APPBP2: variants seen among roughly 807,000 people sequenced by gnomAD.
APPBP2 encodes amyloid protein-binding protein 2.
APPBP2 carries 15 observed loss-of-function variants against 76.0 expected under a neutral mutation model. The observed-to-expected ratio is 0.20, with a 90% CI of 0.13 to 0.30. The LOEUF (loss-of-function observed/expected upper bound fraction) is 0.30, where lower values mean the gene tolerates loss of function less well. Among genes scored for constraint, APPBP2 ranks in the 10% least tolerant of loss-of-function variants. The pLI, the probability that APPBP2 is intolerant of heterozygous loss-of-function variation, is 1.00. For missense variants in APPBP2, 401 were observed against 687.2 expected, an observed-to-expected ratio of 0.58 and a Z score of 4.66; for synonymous variants, 222 against 242.2, an observed-to-expected ratio of 0.92 and a Z score of 0.77.
At chr17:60,462,560 G>C (rs2090482923) in intron 6 of APPBP2, 1 of 155,222 alleles carries the variant, frequency 6.4e-6, no homozygotes, top group Non-Finnish European at 1.4e-5. Flanking sequence ...CCTGGCTACA[G>C]GGATGTGCCA....
At chr17:60,495,278 G>C (rs968075664) in intron 2 of APPBP2, among the ~76,000 whole-genome samples, 7 of 151,698 alleles carry the variant, frequency 4.6e-5, no homozygotes, top group African/African-American at 1.7e-4. Flanking sequence ...GAGCCACCAC[G>C]CCTGGCTGAT....
intron 2 of APPBP2, among the ~76,000 whole-genome samples, chr17:60,497,107 G>A (rs540829398): frequency 6.6e-6 from 1 of 152,200 alleles, no homozygotes; most frequent in East Asian, 1.9e-4. Context: ...CACTGCTATG[G>A]CCCCAGCATC....
In APPBP2 at chr17:60,500,803, G is replaced by A. The variant is rs150772156; in HGVS notation, c.139-316C>T. 5.2e-3 allele frequency among the ~76,000 whole-genome samples: 797 copies of A among 152,134 alleles called. 8 individuals are homozygous for A. Among genetic ancestry groups the A allele is most frequent in the African/African-American group, 0.018 (739 of 41,504 alleles). ...TTAACTTTTTTACTTAAACAAAACT[G>A]GAGAGTCGGTGTAAAATTATCAAAA... is the stretch of plus-strand genomic sequence containing the variant. On this transcript the variant is annotated intron_variant, in intron 1 of 12. Transcript: ENST00000083182.
intron 3 of APPBP2, among the ~76,000 whole-genome samples, chr17:60,485,663 T>C (rs1230954021): frequency 2.0e-5 from 3 of 152,202 alleles, no homozygotes; most frequent in Non-Finnish European, 4.4e-5. Context: ...CTGGATTCAC[T>C]GATTTTTTTG....
rs183328784 is a variant in APPBP2, at chr17:60,518,904, G to C, written c.138+6890C>G. On this transcript the variant is annotated intron_variant, in intron 1 of 12. Transcript: ENST00000083182. ...TTCTTCATGCCAAGATGGCATTACAGTGTTGGCAAGGTAAGACAAGAGGTA... is the reference window on the plus strand; with the variant it reads ...TTCTTCATGCCAAGATGGCATTACACTGTTGGCAAGGTAAGACAAGAGGTA... 3.9e-4 allele frequency among the ~76,000 whole-genome samples: 60 copies of C among 152,226 alleles called. No individual in the cohort carries two copies. The East Asian group carries it at 0.011, about 28-fold the overall frequency.
chr17:60,524,570 G>T (rs920010034), intron 1 of APPBP2, among the ~76,000 whole-genome samples: 4 of 139,762 alleles, frequency 2.9e-5, no homozygotes, highest in Non-Finnish European at 6.0e-5. Flanking sequence ...GTGCAAAGCA[G>T]CTGGATTTAG....
chr17:60,505,367 G>A (rs571453461), intron 1 of APPBP2, among the ~76,000 whole-genome samples: 42 of 152,364 alleles, frequency 2.8e-4, no homozygotes, highest in African/African-American at 9.9e-4. Flanking sequence ...CTAGGTTGGA[G>A]TGCAGTGGCA....
At chr17:60,480,181 T>G (rs2090618518) in intron 3 of APPBP2, among the ~76,000 whole-genome samples, 1 of 152,184 alleles carries the variant, frequency 6.6e-6, no homozygotes, top group Non-Finnish European at 1.5e-5. Flanking sequence ...GAGACCAGCC[T>G]GGGCAATATG....
rs555381829 is a variant in APPBP2, at chr17:60,443,185, A to G, written c.*4396T>C. 5 of 152,774 alleles carry G rather than the reference A, an allele frequency of 3.3e-5. No individual in the cohort carries two copies. Among genetic ancestry groups the G allele is most frequent in the African/African-American group, 9.6e-5 (4 of 41,584 alleles). The allele number at this position is 152,774 out of a possible 1,614,324, so 9.5% of individuals were successfully genotyped here. On this transcript the variant is annotated 3_prime_UTR_variant, in exon 13 of 13. Transcript: ENST00000083182. ...CAGGAACACTATATTTATTAGGTCA[A>G]TAATTCATTTTTAGCAATACAAGTA...
chr17:60,513,318 C>G (rs1021008075), intron 1 of APPBP2: 3 of 569,162 alleles, frequency 5.3e-6, no homozygotes, highest in African/African-American at 3.8e-5. Flanking sequence ...ACCTATTCAT[C>G]AAATCAGAGT....
Position 60,451,865 on chromosome 17 carries a change from T to G in APPBP2, c.1504+15A>C. 6.3e-7 allele frequency: 1 copy of G among 1,587,892 alleles called. No individual in the cohort carries two copies. Among genetic ancestry groups the G allele is most frequent in the Non-Finnish European group, 8.6e-7 (1 of 1,167,830 alleles). ...TTGTAATCAACTGACTAAAGAAAAT[T>G]TAAATGTAACATACCAATTGCTATA... On this transcript the variant is annotated intron_variant, in intron 12 of 12. Coordinates refer to ENST00000083182, the MANE Select transcript of APPBP2 (RefSeq NM_006380.5).
chr17:60,511,987 C>T (rs1598374407), intron 1 of APPBP2, among the ~76,000 whole-genome samples: 1 of 152,248 alleles, frequency 6.6e-6, no homozygotes, highest in Non-Finnish European at 1.5e-5. Context: ...GGAAAAGTTA[C>T]ATCTTTGAAA....
rs1446440431 is a variant in APPBP2, at chr17:60,445,015, T to G, written c.*2566A>C. 5 of 152,170 alleles carry G rather than the reference T, an allele frequency of 3.3e-5. No homozygotes were observed. Among genetic ancestry groups the G allele is most frequent in the Non-Finnish European group, 7.4e-5 (5 of 68,024 alleles). The allele number at this position is 152,170 out of a possible 1,614,324, so 9.4% of individuals were successfully genotyped here. A position where few individuals can be genotyped will look rare whatever the true frequency, so the allele number is the denominator to read the frequency against. On this transcript the variant is annotated 3_prime_UTR_variant, in exon 13 of 13. Transcript: ENST00000083182. ...CAAGATTTTTAAGAAACCCAATAAA[T>G]CATAGTGGCACACATCTAACTTATC...
chr17:60,495,369 GAAATGC>G (rs1261532321), intron 2 of APPBP2, among the ~76,000 whole-genome samples: 2 of 151,652 alleles, frequency 1.3e-5, no homozygotes, highest in African/African-American at 2.4e-5. Context: ...AATGATTAGG[GAAATGC>G]AAACCAAAAT....
At position 60,479,139 on chromosome 17, in the gene APPBP2, C is replaced by T. The variant is rs771783906; in HGVS notation, c.503+9G>A. On this transcript the variant is annotated intron_variant, in intron 4 of 12. Transcript: ENST00000083182. ...ATAGCACGTAATTACAGGATATGTTCCAACTTACCTCACACAACATTCTAC... is the reference window on the plus strand; with the variant it reads ...ATAGCACGTAATTACAGGATATGTTTCAACTTACCTCACACAACATTCTAC... The T allele has an allele frequency of 1.2e-6, 2 of 1,608,810 alleles. No homozygotes were observed. Among genetic ancestry groups the T allele is most frequent in the Admixed American group, 1.7e-5 (1 of 58,586 alleles).
intron 3 of APPBP2, among the ~76,000 whole-genome samples, chr17:60,483,319 TG>T (rs1373211721): frequency 3.9e-5 from 6 of 152,226 alleles, no homozygotes; most frequent in Admixed American, 3.3e-4. Context: ...TTGTAGATTC[TG>T]GGTATCAGCC....
At chr17:60,468,040 A>G (rs8069942) in intron 4 of APPBP2, among the ~76,000 whole-genome samples, 2,289 of 152,312 alleles carry the variant, frequency 0.015, 49 homozygotes, top group African/African-American at 0.051. Flanking sequence ...ACTATCTAAT[A>G]TAATTTCCTG....
chr17:60,493,553 C>T (rs948462621), intron 3 of APPBP2, among the ~76,000 whole-genome samples: 5 of 151,636 alleles, frequency 3.3e-5, no homozygotes, highest in Middle Eastern at 6.9e-3. Context: ...AGGCTGGTCT[C>T]GAACTCCTGG....
intron 3 of APPBP2, among the ~76,000 whole-genome samples, chr17:60,489,371 G>A (rs1421693205): frequency 6.6e-6 from 1 of 152,120 alleles, no homozygotes; most frequent in East Asian, 1.9e-4. Flanking sequence ...AGCACTTTGG[G>A]AGGCTGAGGT....
Sources: gnomAD v4.1 joint callset for allele counts (sites outside exome capture counted in the v4.1 genomes callset) on GRCh38, gnomAD v4.1.1 for gene constraint, MANE v1.5 for transcripts, NCBI Gene and HGNC (gene_info 2026-07-23, HGNC 2026-07-21) for gene names.